PCDH15: variants seen among roughly 807,000 people sequenced by gnomAD.
PCDH15 encodes protocadherin-15.
A neutral mutation model predicts 178.5 loss-of-function variants in PCDH15; 129 were observed. The ratio of observed to expected loss-of-function variants is 0.72; its 90% CI spans 0.63 to 0.84. The LOEUF (loss-of-function observed/expected upper bound fraction) is 0.84. Among genes scored for constraint, PCDH15 ranks in the 40% least tolerant of loss-of-function variants. PCDH15 has a pLI of 0.00. For synonymous variants in PCDH15, 800 were observed against 732.0 expected (o/e 1.09, Z -1.50); for missense variants, 2,230 against 2,099.9 (o/e 1.06, Z -1.21).
At chr10:55,378,877 ATC>A (rs67020951) in intron 2 of PCDH15, among the ~76,000 whole-genome samples, 3,529 of 123,670 alleles carry the variant, frequency 0.029, 84 homozygotes, top group African/African-American at 0.07. Context: ...AACTCTCCCC[ATC>A]TCTCTCTCTC....
chr10:55,561,814 A>C (rs1842206315), intron 2 of PCDH15, among the ~76,000 whole-genome samples: 1 of 151,964 alleles, frequency 6.6e-6, no homozygotes, highest in South Asian at 2.1e-4. Context: ...GAAAAAAGAA[A>C]GTAGCATGGT....
At chr10:54,701,358 T>C (rs2095307019) in intron 1 of PCDH15, among the ~76,000 whole-genome samples, 1 of 152,004 alleles carries the variant, frequency 6.6e-6, no homozygotes, top group Admixed American at 6.6e-5. Flanking sequence ...AAAACACACT[T>C]TAGTACATAA....
chr10:54,242,130 T>TATA lies in PCDH15; in HGVS notation c.877-5200_877-5199insTAT, dbSNP rs2055394419. The stretch of plus-strand genomic sequence containing the variant: ...TGAACTTTTGGTCTGAATTCTATTT[T>TATA]TATATATATATATATATATATATAT... On this transcript the variant is annotated intron_variant, in intron 8 of 37. Transcript: ENST00000644397. Among the ~76,000 whole-genome samples, 13 of 31,690 alleles carry TATA rather than the reference T, an allele frequency of 4.1e-4. 2 individuals are homozygous for TATA. The highest frequency in any genetic ancestry group is 6.7e-4 in the African/African-American group (4 of 5,966). The allele number at this position is 31,690 out of a possible 152,430, so 20.8% of individuals were successfully genotyped here.
At chr10:54,453,249 C>A (rs4007218) in intron 3 of PCDH15, among the ~76,000 whole-genome samples, 69,819 of 151,884 alleles carry the variant, frequency 0.46, 16,427 homozygotes, top group Middle Eastern at 0.57. Flanking sequence ...AGACTTGGAA[C>A]CAACCCAAAT....
intron 2 of PCDH15, among the ~76,000 whole-genome samples, chr10:55,354,444 G>A (rs1405098591): frequency 6.6e-6 from 1 of 151,912 alleles, no homozygotes; most frequent in Non-Finnish European, 1.5e-5. Context: ...CAATACAACA[G>A]GATAAGTATA....
intron 2 of PCDH15, among the ~76,000 whole-genome samples, chr10:55,584,866 G>A (rs895621262): frequency 6.6e-6 from 1 of 151,126 alleles, no homozygotes; most frequent in African/African-American, 2.4e-5. Flanking sequence ...TATTGTATTA[G>A]CACATAAATT....
intron 3 of PCDH15, among the ~76,000 whole-genome samples, chr10:54,481,730 AC>A (rs1565384850): frequency 1.3e-5 from 2 of 151,958 alleles, no homozygotes; most frequent in East Asian, 3.9e-4. Context: ...TGATATTTCT[AC>A]AATGAACAAA....
intron 26 of PCDH15, among the ~76,000 whole-genome samples, chr10:53,887,502 AT>A (rs2081179564): frequency 6.6e-6 from 1 of 152,124 alleles, no homozygotes; most frequent in Non-Finnish European, 1.5e-5. Flanking sequence ...TGTAATATAC[AT>A]TTCTAAAATT....
intron 2 of PCDH15, among the ~76,000 whole-genome samples, chr10:54,624,095 A>G (rs1305027188): frequency 6.6e-6 from 1 of 152,306 alleles, no homozygotes; most frequent in Non-Finnish European, 1.5e-5. Context: ...GTGATAAGGC[A>G]ACTTTTGCTC....
intron 37 of PCDH15, chr10:53,809,098 T>C (rs1315880723): frequency 1.2e-6 from 2 of 1,613,934 alleles, no homozygotes; most frequent in East Asian, 2.2e-5. Context: ...TTTTTCTCCT[T>C]CTGACTCTGT....
intron 2 of PCDH15, among the ~76,000 whole-genome samples, chr10:54,898,098 A>T (rs1191860673): frequency 6.6e-6 from 1 of 152,062 alleles, no homozygotes. Flanking sequence ...AGTTCTCACG[A>T]TGTCTGGTTG....
chr10:55,391,847 G>A (rs532236654), intron 2 of PCDH15, among the ~76,000 whole-genome samples: 6 of 152,172 alleles, frequency 3.9e-5, no homozygotes, highest in Non-Finnish European at 8.8e-5. Flanking sequence ...CCGGCTAACT[G>A]TTTGGCCTAA....
intron 2 of PCDH15, among the ~76,000 whole-genome samples, chr10:54,623,994 C>T (rs193218833): frequency 3.9e-5 from 6 of 151,966 alleles, no homozygotes; most frequent in Admixed American, 2.0e-4. Flanking sequence ...GTAGTGATTA[C>T]AAGGAAAGAA....
chr10:54,577,227 C>T (rs1217883734), intron 2 of PCDH15, among the ~76,000 whole-genome samples: 1 of 149,898 alleles, frequency 6.7e-6, no homozygotes, highest in African/African-American at 2.5e-5. Context: ...GGACTATAGG[C>T]GTGCACCACC....
At chr10:55,106,026 T>C (rs867767477) in intron 2 of PCDH15, among the ~76,000 whole-genome samples, 3 of 152,018 alleles carry the variant, frequency 2.0e-5, no homozygotes, top group African/African-American at 7.2e-5. Context: ...ATCTGTATTA[T>C]AAGTTTTTTT....
chr10:55,353,400 G>C (rs960486440), intron 2 of PCDH15, among the ~76,000 whole-genome samples: 2 of 152,142 alleles, frequency 1.3e-5, no homozygotes, highest in African/African-American at 4.8e-5. Flanking sequence ...GCTAGGATTT[G>C]AAGTCAACTG....
chr10:54,212,673 T>G lies in PCDH15; in HGVS notation c.1098+1263A>C, dbSNP rs148199308. On this transcript the variant is annotated intron_variant, in intron 10 of 37. Coordinates refer to ENST00000644397, the MANE Select transcript of PCDH15 (RefSeq NM_001384140.1). ...ATGCATTTTATCTGATTTATTTGAT[T>G]ATATGACTGTTTCCCTTTCTAGACT... 2.8e-3 allele frequency among the ~76,000 whole-genome samples: 422 copies of G among 152,264 alleles called. 1 individual carries two copies. The highest frequency in any genetic ancestry group is 9.6e-3 in the African/African-American group (398 of 41,556).
chr10:55,386,369 G>A (rs145293427), intron 2 of PCDH15, among the ~76,000 whole-genome samples: 24 of 151,958 alleles, frequency 1.6e-4, no homozygotes, highest in African/African-American at 4.3e-4. Flanking sequence ...TAATATTTGA[G>A]GAGTTATTAA....
chr10:53,850,133 C>T (rs962646875), intron 28 of PCDH15, among the ~76,000 whole-genome samples: 1 of 151,958 alleles, frequency 6.6e-6, no homozygotes, highest in African/African-American at 2.4e-5. Context: ...TAGAACAGAA[C>T]TGAAAATCAT....
Sources: allele counts gnomAD v4.1 joint callset (sites outside exome capture counted in the v4.1 genomes callset), GRCh38; gene constraint gnomAD v4.1.1; transcripts MANE v1.5; gene names NCBI Gene and HGNC (gene_info 2026-07-23, HGNC 2026-07-21).